The following SPATA16 variants were observed in gnomAD, a reference collection of about 807,000 sequenced individuals.
SPATA16 encodes the protein spermatogenesis associated 16, also known as spermatogenesis-associated protein 16.
SPATA16 carries 36 observed loss-of-function variants against 63.3 expected under a neutral mutation model. The observed-to-expected ratio is 0.57, with a 90% CI of 0.44 to 0.75. The LOEUF (loss-of-function observed/expected upper bound fraction) is 0.75. SPATA16 is among the 30% of genes least tolerant of loss of function. SPATA16 has a pLI of 0.00. For missense variants in SPATA16, 646 were observed against 679.3 expected (o/e 0.95, Z 0.54); for synonymous variants, 203 against 216.7 (o/e 0.94, Z 0.56).
intron 2 of SPATA16, among the ~76,000 whole-genome samples, chr3:173,112,789 G>A (rs747333492): frequency 3.3e-5 from 5 of 152,148 alleles, no homozygotes; most frequent in African/African-American, 1.2e-4. Flanking sequence ...TGAAAGTTCT[G>A]GTTGGTAATG....
chr3:172,967,332 C>T (rs904733042), intron 5 of SPATA16, among the ~76,000 whole-genome samples: 9 of 152,054 alleles, frequency 5.9e-5, no homozygotes, highest in South Asian at 2.1e-4. Flanking sequence ...GGGCTTCTGC[C>T]GTCACCTACT....
chr3:172,984,331 G>C (rs997131238), intron 4 of SPATA16, among the ~76,000 whole-genome samples: 2 of 152,072 alleles, frequency 1.3e-5, no homozygotes, highest in African/African-American at 4.8e-5. Context: ...AATAGTTGTT[G>C]CTCAGTAAAT....
intron 3 of SPATA16, among the ~76,000 whole-genome samples, chr3:173,021,720 C>CT (rs1553794048): frequency 4.3e-5 from 5 of 115,906 alleles, no homozygotes; most frequent in African/African-American, 9.0e-5. Flanking sequence ...TTCCCTATTA[C>CT]TTTTTATTTA....
At chr3:173,111,356 G>A (rs1737745896) in intron 2 of SPATA16, among the ~76,000 whole-genome samples, 2 of 152,070 alleles carry the variant, frequency 1.3e-5, no homozygotes, top group Admixed American at 6.5e-5. Flanking sequence ...CTTACAGTGA[G>A]CCGAGATCGT....
chr3:173,102,680 T>G (rs1737525582), intron 2 of SPATA16, among the ~76,000 whole-genome samples: 1 of 152,152 alleles, frequency 6.6e-6, no homozygotes, highest in Non-Finnish European at 1.5e-5. Flanking sequence ...GGATTACATC[T>G]CAACATGAGA....
intron 10 of SPATA16, among the ~76,000 whole-genome samples, chr3:172,891,406 C>T (rs9842563): frequency 0.033 from 4,996 of 152,150 alleles, 284 homozygotes; most frequent in African/African-American, 0.11. Flanking sequence ...AAAAGAATTC[C>T]GCTGAATTAA....
chr3:173,111,402 T>C (rs1463011222), intron 2 of SPATA16, among the ~76,000 whole-genome samples: 1 of 152,014 alleles, frequency 6.6e-6, no homozygotes, highest in Non-Finnish European at 1.5e-5. Flanking sequence ...AGAGCCAGAC[T>C]CCATCTCAAA....
intron 10 of SPATA16, among the ~76,000 whole-genome samples, chr3:172,913,252 A>G (rs368943220): frequency 6.6e-6 from 1 of 152,218 alleles, no homozygotes; most frequent in East Asian, 1.9e-4. Flanking sequence ...AAAAACATCA[A>G]TGTGCTAGTT....
chr3:173,005,327 G>GAAAAAA (rs531594936), intron 4 of SPATA16, among the ~76,000 whole-genome samples: 128 of 77,294 alleles, frequency 1.7e-3, no homozygotes, highest in Non-Finnish European at 1.9e-3. Flanking sequence ...TGTCTCAAAA[G>GAAAAAA]AAAAAAAAAA....
intron 4 of SPATA16, among the ~76,000 whole-genome samples, chr3:172,985,428 A>C (rs1276993117): frequency 6.6e-6 from 1 of 152,202 alleles, no homozygotes; most frequent in Non-Finnish European, 1.5e-5. Context: ...CAACATGCAG[A>C]AGTATGAAGA....
At chr3:172,969,252 A>G (rs747697594) in intron 5 of SPATA16, among the ~76,000 whole-genome samples, 1 of 152,302 alleles carries the variant, frequency 6.6e-6, no homozygotes, top group Non-Finnish European at 1.5e-5. Flanking sequence ...TAAGCTGCCT[A>G]ATCTACTGGG....
rs146857320 is a variant in SPATA16 at position 172,916,428 on chromosome 3, G to A, written c.1392C>T (p.Leu464=). Residue 464 remains leucine (L), a synonymous_variant, in exon 9 of 11, where the codon CTC becomes CTT. Coordinates refer to ENST00000351008, the MANE Select transcript of SPATA16 (RefSeq NM_031955.6). ...GVMEKLQYAS[L]LSQLQRVKEQ... ...CCTTTACTCTCTGCAGCTGGCTGAGGAGGCTGGCATATTGCAACTTCTCCA... is the reference window on the plus strand; with the variant it reads ...CCTTTACTCTCTGCAGCTGGCTGAGAAGGCTGGCATATTGCAACTTCTCCA... 4.8e-5 allele frequency: 77 copies of A among 1,613,706 alleles called. No individual in the cohort carries two copies. In the African/African-American group the frequency reaches 9.5e-4, roughly 20 times the overall value.
chr3:172,953,614 T>C (rs1264838886), intron 6 of SPATA16, among the ~76,000 whole-genome samples: 2 of 152,162 alleles, frequency 1.3e-5, no homozygotes, highest in Non-Finnish European at 2.9e-5. Flanking sequence ...GCCACATAAA[T>C]GAATCCATCA....
chr3:173,113,344 A>G (rs753764020), intron 2 of SPATA16, among the ~76,000 whole-genome samples: 1 of 152,350 alleles, frequency 6.6e-6, no homozygotes, highest in Admixed American at 6.5e-5. Context: ...CAAACATAAG[A>G]GCATACGATG....
intron 5 of SPATA16, among the ~76,000 whole-genome samples, chr3:172,972,293 G>T (rs991571973): frequency 3.9e-5 from 6 of 152,292 alleles, no homozygotes; most frequent in Admixed American, 3.3e-4. Context: ...TTCTACACGG[G>T]CCTGTGTTGG....
chr3:172,992,618 T>C (rs2108261578), intron 4 of SPATA16, among the ~76,000 whole-genome samples: 1 of 152,258 alleles, frequency 6.6e-6, no homozygotes. Flanking sequence ...ACTCTGCTTC[T>C]TACTGAGTTT....
intron 2 of SPATA16, among the ~76,000 whole-genome samples, chr3:173,109,658 G>A (rs771973651): frequency 5.3e-5 from 8 of 152,030 alleles, no homozygotes; most frequent in East Asian, 1.9e-4. Context: ...CTTTCTAAAC[G>A]TCAACTTAAA....
chr3:173,029,626 CA>C (rs908710191), intron 3 of SPATA16, among the ~76,000 whole-genome samples: 9 of 151,922 alleles, frequency 5.9e-5, no homozygotes, highest in Non-Finnish European at 8.8e-5. Context: ...GTACACCTGG[CA>C]AGGCAGTAAA....
chr3:173,069,083 C>A, intron 2 of SPATA16, among the ~76,000 whole-genome samples: 1 of 143,954 alleles, frequency 6.9e-6, no homozygotes. Context: ...GCACTCCAGC[C>A]TGGGCAGCAG....
Sources: gnomAD v4.1 joint callset for allele counts (sites outside exome capture counted in the v4.1 genomes callset) on GRCh38, gnomAD v4.1.1 for gene constraint, MANE v1.5 for transcripts, NCBI Gene and HGNC (gene_info 2026-07-23, HGNC 2026-07-21) for gene names.